The following TET2 variants were observed in gnomAD, a reference collection of about 807,000 sequenced individuals.
TET2 encodes the protein methylcytosine dioxygenase TET2.
In TET2, 299 loss-of-function variants were observed where a neutral mutation model predicts 142.9. The observed-to-expected ratio is 2.09, with a 90% CI of 1.90 to 2.30. The LOEUF (loss-of-function observed/expected upper bound fraction) is 2.30. Among genes scored for constraint, TET2 ranks in the 30% most tolerant of loss-of-function variants. The pLI is 0.00. For missense variants in TET2, 2,418 were observed against 2,378.0 expected (o/e 1.02, Z -0.35); for synonymous variants, 819 against 849.0 (o/e 0.96, Z 0.61).
At chr4:105,211,173 A>G (rs1459262105) in intron 2 of TET2, among the ~76,000 whole-genome samples, 2 of 152,104 alleles carry the variant, frequency 1.3e-5, no homozygotes, top group Non-Finnish European at 2.9e-5. Flanking sequence ...AGGTCATTCT[A>G]TCATTGGCTT....
intron 2 of TET2, among the ~76,000 whole-genome samples, chr4:105,192,020 C>T (rs1008093764): frequency 2.6e-5 from 4 of 152,082 alleles, no homozygotes; most frequent in African/African-American, 9.7e-5. Flanking sequence ...TTACCTCACT[C>T]TGTGAGAACT....
At chr4:105,258,679 A>T (rs996346409) in intron 6 of TET2, among the ~76,000 whole-genome samples, 1 of 152,158 alleles carries the variant, frequency 6.6e-6, no homozygotes, top group Non-Finnish European at 1.5e-5. Context: ...CTTCTCTTGT[A>T]CACTGAAATT....
At chr4:105,245,535 G>C (rs747922897) in intron 6 of TET2, among the ~76,000 whole-genome samples, 2 of 152,066 alleles carry the variant, frequency 1.3e-5, no homozygotes, top group Non-Finnish European at 2.9e-5. Flanking sequence ...TCTCCATGTT[G>C]ATCAGGCTGG....
intron 1 of TET2, among the ~76,000 whole-genome samples, chr4:105,180,919 G>T (rs913058457): frequency 6.6e-6 from 1 of 152,174 alleles, no homozygotes; most frequent in Non-Finnish European, 1.5e-5. Context: ...AATTACAGGC[G>T]TGAGGCACTG....
chr4:105,169,410 CT>C (rs1238076734), intron 1 of TET2, among the ~76,000 whole-genome samples: 1 of 152,096 alleles, frequency 6.6e-6, no homozygotes, highest in Non-Finnish European at 1.5e-5. Flanking sequence ...CCTTAGCCCA[CT>C]TTTTGATAGG....
chr4:105,237,252 T>A lies in TET2; in HGVS notation c.3310T>A (p.Phe1104Ile). 6.2e-7 allele frequency: 1 copy of A among 1,614,074 alleles called. No homozygotes were observed. Among genetic ancestry groups the A allele is most frequent in the Non-Finnish European group, 8.5e-7 (1 of 1,179,988 alleles). The change falls in exon 3 of 11, where the codon TTT (phenylalanine) becomes ATT (isoleucine). Residue 1104 changes from phenylalanine to isoleucine, a missense_variant. Coordinates refer to ENST00000380013, the MANE Select transcript of TET2 (RefSeq NM_001127208.3). ...KRTAASVLNN[F>I]IESPSKLLDT... is the part of the protein sequence containing the mutation. ...AACAGCTGCTTCTGTTCTCAATAAT[T>A]TTATAGAGTCACCTTCCAAATTACT...
chr4:105,242,593 C>T (rs1410237667), intron 4 of TET2: 19 of 1,220,332 alleles, frequency 1.6e-5, no homozygotes, highest in Non-Finnish European at 1.0e-6. Flanking sequence ...CATTTTCACC[C>T]ACATGTAATT....
intron 2 of TET2, among the ~76,000 whole-genome samples, chr4:105,200,335 G>A (rs1352096953): frequency 6.6e-6 from 1 of 152,152 alleles, no homozygotes; most frequent in Non-Finnish European, 1.5e-5. Flanking sequence ...CCGCATGTAT[G>A]TCTTCTTTTG....
intron 3 of TET2, chr4:105,239,074 G>GTTTTT (rs372909927): frequency 2.8e-5 from 6 of 211,934 alleles, no homozygotes; most frequent in Non-Finnish European, 3.0e-5. Flanking sequence ...TTTGTTTTTT[G>GTTTTT]TTTTTTTTTT....
At chr4:105,216,400 C>G (rs1578637103) in intron 2 of TET2, among the ~76,000 whole-genome samples, 2 of 151,884 alleles carry the variant, frequency 1.3e-5, no homozygotes, top group South Asian at 2.1e-4. Flanking sequence ...CTGAAATGCT[C>G]TTTTTCTTCA....
At chr4:105,255,848 TTG>T (rs1730100696) in intron 6 of TET2, among the ~76,000 whole-genome samples, 1 of 152,060 alleles carries the variant, frequency 6.6e-6, no homozygotes, top group Non-Finnish European at 1.5e-5. Flanking sequence ...TGTCTGTATC[TTG>T]TCTTTTTTTG....
chr4:105,166,619 AG>A (rs1413021322), intron 1 of TET2, among the ~76,000 whole-genome samples: 1 of 151,454 alleles, frequency 6.6e-6, no homozygotes, highest in African/African-American at 2.4e-5. Flanking sequence ...AGAAAAAAAA[AG>A]AAAAAAAAAC....
intron 1 of TET2, among the ~76,000 whole-genome samples, chr4:105,174,650 AGT>A (rs1291763333): frequency 2.0e-5 from 3 of 152,192 alleles, no homozygotes; most frequent in African/African-American, 7.2e-5. Flanking sequence ...GCGGTTGTTC[AGT>A]GTGGCAAGTC....
rs913076486 is a variant in TET2, at chr4:105,276,780, G to A, written c.*261G>A. On this transcript the variant is annotated 3_prime_UTR_variant, in exon 11 of 11. Coordinates refer to ENST00000380013, the MANE Select transcript of TET2 (RefSeq NM_001127208.3). ...AAGAAGGTGGGGAAGAAAGTGTTCCGCAATTTACATTTTTAAACACTGGTT... is the reference window on the plus strand; with the variant it reads ...AAGAAGGTGGGGAAGAAAGTGTTCCACAATTTACATTTTTAAACACTGGTT... 44 of 366,734 alleles carry A rather than the reference G, an allele frequency of 1.2e-4. No homozygotes were observed. Among genetic ancestry groups the A allele is most frequent in the East Asian group, 1.1e-3 (30 of 26,782 alleles). The allele number at this position is 366,734 out of a possible 1,614,324, so 22.7% of individuals were successfully genotyped here.
At position 105,190,361 on chromosome 4, in the gene TET2, C is replaced by T; in HGVS notation, c.-191C>T. ...ATGTTCAAACTCTGTCTTCTCTAGG[C>T]TGGCAAACATTCAGCAGCACACCCT... is the stretch of plus-strand genomic sequence containing the variant. On this transcript the variant is annotated splice_region_variant and 5_prime_UTR_variant, in exon 2 of 11. Transcript: ENST00000380013. 2 of 669,112 alleles carry T rather than the reference C, an allele frequency of 3.0e-6. No homozygotes were observed. The highest frequency in any genetic ancestry group is 5.4e-6 in the Non-Finnish European group (2 of 370,586). The allele number at this position is 669,112 out of a possible 1,614,324, so 41.4% of individuals were successfully genotyped here. A position where few individuals can be genotyped will look rare whatever the true frequency, so the allele number is the denominator to read the frequency against.
At position 105,190,365 on chromosome 4, in the gene TET2, C is replaced by G; in HGVS notation, c.-187C>G. 1.5e-6 allele frequency: 1 copy of G among 671,982 alleles called. No homozygotes were observed. Among genetic ancestry groups the G allele is most frequent in the Admixed American group, 2.3e-5 (1 of 44,358 alleles). The allele number at this position is 671,982 out of a possible 1,614,324, so 41.6% of individuals were successfully genotyped here. On this transcript the variant is annotated 5_prime_UTR_variant, in exon 2 of 11. Coordinates refer to ENST00000380013, the MANE Select transcript of TET2 (RefSeq NM_001127208.3). ...TCAAACTCTGTCTTCTCTAGGCTGG[C>G]AAACATTCAGCAGCACACCCTCTCA... is the stretch of plus-strand genomic sequence containing the variant.
rs567993111 is a variant in TET2, at chr4:105,155,596, C to A, written c.-193+8617C>A. 6.1e-4 allele frequency among the ~76,000 whole-genome samples: 93 copies of A among 152,228 alleles called. 1 individual carries two copies. The South Asian group carries it at 0.018, about 30-fold the overall frequency. On this transcript the variant is annotated intron_variant, in intron 1 of 10. Coordinates refer to ENST00000380013, the MANE Select transcript of TET2 (RefSeq NM_001127208.3). ...TCTAACCTTATGTAATTCTAGATAC[C>A]AGACATTCTTGTTGTGCAATGCTTC...
rs1560545524 is a variant in TET2, at chr4:105,236,255, AG to A, written c.2314del (p.Glu772LysfsTer41). ...CCCAAAGCAACAATGATCAGCAAAG[AG>A]AAGGATCATTCTTTGGCCAGACTAA... The part of the protein sequence containing the change: ...HPQSNNDQQR[E>X]GSFFGQTKVE... On this transcript the variant is annotated frameshift_variant, in exon 3 of 11. Coordinates refer to ENST00000380013, the MANE Select transcript of TET2 (RefSeq NM_001127208.3). LOFTEE classifies it high-confidence loss of function. 1 of 1,614,124 alleles carries A rather than the reference AG, an allele frequency of 6.2e-7. No individual in the cohort carries two copies. Among genetic ancestry groups the A allele is most frequent in the South Asian group, 1.1e-5 (1 of 91,088 alleles).
At chr4:105,237,708 A>C in intron 3 of TET2, 1 of 1,289,368 alleles carries the variant, frequency 7.8e-7, no homozygotes, top group East Asian at 3.6e-5. Context: ...CAATCTATTA[A>C]AATGAGAAAA....
Sources: gnomAD v4.1 joint callset for allele counts (sites outside exome capture counted in the v4.1 genomes callset) on GRCh38, gnomAD v4.1.1 for gene constraint, MANE v1.5 for transcripts, NCBI Gene and HGNC (gene_info 2026-07-23, HGNC 2026-07-21) for gene names.